The following FAM171B variants were observed in gnomAD, a reference collection of about 807,000 sequenced individuals.
FAM171B encodes the protein protein FAM171B.
A neutral mutation model predicts 75.6 loss-of-function variants in FAM171B; 19 were observed. The observed-to-expected ratio is 0.25, with a 90% confidence interval of 0.18 to 0.37. The LOEUF (loss-of-function observed/expected upper bound fraction) is 0.37. Ranked by LOEUF, FAM171B falls within the 10% of genes least tolerant of loss-of-function variation. The pLI, the probability that FAM171B is intolerant of heterozygous loss-of-function variation, is 1.00. For synonymous variants in FAM171B, 367 were observed against 361.7 expected, an observed-to-expected ratio of 1.01 and a Z score of -0.17; for missense variants, 848 against 982.4, an observed-to-expected ratio of 0.86 and a Z score of 1.83.
chr2:186,741,987 A>G (rs1690295565), intron 2 of FAM171B, among the ~76,000 whole-genome samples: 1 of 152,176 alleles, frequency 6.6e-6, no homozygotes, highest in African/African-American at 2.4e-5. Flanking sequence ...TATGTGGGTT[A>G]AAAATGTTAT....
intron 1 of FAM171B, among the ~76,000 whole-genome samples, chr2:186,712,789 T>G (rs1689827222): frequency 6.6e-6 from 1 of 152,354 alleles, no homozygotes; most frequent in South Asian, 2.1e-4. Flanking sequence ...TTTTTCTCAC[T>G]TTCGTTTATT....
rs1433087703 is a variant in FAM171B, at chr2:186,752,869, T to C, written c.896-1064T>C. ...TCAAATAGCTTTGTTATGCTATTTA[T>C]AAATAAAACTTCATAAAAGGTACAG... On this transcript the variant is annotated intron_variant, in intron 5 of 7. Coordinates refer to ENST00000304698, the MANE Select transcript of FAM171B (RefSeq NM_177454.4). Among the ~76,000 whole-genome samples, 3 of 152,248 alleles carry C rather than the reference T, an allele frequency of 2.0e-5. No homozygotes were observed. In the East Asian group the frequency reaches 5.8e-4, roughly 29 times the overall value.
At chr2:186,707,480 T>A (rs1277055697) in intron 1 of FAM171B, among the ~76,000 whole-genome samples, 1 of 152,190 alleles carries the variant, frequency 6.6e-6, no homozygotes, top group Non-Finnish European at 1.5e-5. Flanking sequence ...AATCCAAATT[T>A]CCTATTGAAG....
intron 6 of FAM171B, among the ~76,000 whole-genome samples, chr2:186,758,970 C>T (rs1690575356): frequency 6.6e-6 from 1 of 151,946 alleles, no homozygotes; most frequent in Non-Finnish European, 1.5e-5. Context: ...CCTTCCCAGC[C>T]TCTGGTAAAC....
chr2:186,702,710 A>T (rs950824994), intron 1 of FAM171B, among the ~76,000 whole-genome samples: 5 of 152,152 alleles, frequency 3.3e-5, no homozygotes, highest in African/African-American at 1.2e-4. Flanking sequence ...ATCACTTTCC[A>T]TCATTATTAA....
At chr2:186,760,238 C>T (rs62173046) in intron 6 of FAM171B, among the ~76,000 whole-genome samples, 159 of 152,156 alleles carry the variant, frequency 1.0e-3, no homozygotes, top group Non-Finnish European at 1.5e-3. Context: ...CATTCGTATA[C>T]GTATGTTCTC....
intron 1 of FAM171B, among the ~76,000 whole-genome samples, chr2:186,718,921 A>G (rs1231455873): frequency 6.6e-6 from 1 of 152,232 alleles, no homozygotes; most frequent in African/African-American, 2.4e-5. Context: ...TAAAACTTCC[A>G]GGCCTTCCTG....
At chr2:186,694,476 C>T (rs1398863442) in intron 1 of FAM171B, 65 bp downstream of exon 1, 11 of 1,528,616 alleles carry the variant, frequency 7.2e-6, no homozygotes, top group African/African-American at 4.1e-5. Flanking sequence ...GCCTCGCCGG[C>T]TTCCTCGCCC....
chr2:186,734,884 A>G (rs1690175589), intron 1 of FAM171B, among the ~76,000 whole-genome samples: 1 of 152,208 alleles, frequency 6.6e-6, no homozygotes, highest in African/African-American at 2.4e-5. Flanking sequence ...CTGGGTTGCA[A>G]AAGTGCCTGT....
intron 5 of FAM171B, among the ~76,000 whole-genome samples, chr2:186,752,487 T>C (rs1471684752): frequency 6.6e-6 from 1 of 152,214 alleles, no homozygotes; most frequent in African/African-American, 2.4e-5. Flanking sequence ...ATTTGGAATC[T>C]AGTCTGTTTA....
chr2:186,753,878 G>T lies in FAM171B; in HGVS notation c.896-55G>T. 2.2e-6 allele frequency: 3 copies of T among 1,339,550 alleles called. No individual in the cohort carries two copies. The South Asian group carries it at 3.5e-5, about 16-fold the overall frequency. The allele number at this position is 1,339,550 out of a possible 1,614,324, so 83.0% of individuals were successfully genotyped here. A position where few individuals can be genotyped will look rare whatever the true frequency, so the allele number is the denominator to read the frequency against. On this transcript the variant is annotated intron_variant, in intron 5 of 7. Transcript: ENST00000304698. ...AAGTCCCATAATGTATTCTGTGCAT[G>T]ACCATCAGTTCTTAAGATATAACTG...
At chr2:186,761,038 C>T in intron 6 of FAM171B, 75 bp from the exon 7 acceptor site, 1 of 1,472,330 alleles carries the variant, frequency 6.8e-7, no homozygotes, top group Non-Finnish European at 9.2e-7. Context: ...TTCAATTTGC[C>T]TCACCCAGGA....
At position 186,694,313 on chromosome 2, in the gene FAM171B, AGC is replaced by A. The variant is rs1689542280; in HGVS notation, c.141_142del (p.Gln48AlafsTer15). ...CTCAGCCTCATCCAACAGCAGCAGC[AGC>A]AGCAGCAACAACAACAACAACAGCA... On this transcript the variant is annotated frameshift_variant, in exon 1 of 8. Transcript: ENST00000304698. LOFTEE classifies it high-confidence loss of function. The A allele has an allele frequency of 2.5e-6, 4 of 1,596,960 alleles. No individual in the cohort carries two copies. The highest frequency in any genetic ancestry group is 8.5e-7 in the Non-Finnish European group (1 of 1,175,224).
intron 6 of FAM171B, among the ~76,000 whole-genome samples, chr2:186,760,787 A>G (rs1198629373): frequency 2.0e-5 from 3 of 151,778 alleles, no homozygotes; most frequent in Non-Finnish European, 2.9e-5. Context: ...ATTCAGTTCA[A>G]CAGATATTCT....
intron 1 of FAM171B, among the ~76,000 whole-genome samples, chr2:186,708,704 G>A (rs1216897754): frequency 6.6e-6 from 1 of 152,118 alleles, no homozygotes; most frequent in African/African-American, 2.4e-5. Flanking sequence ...GCAGACTTAA[G>A]CTCTGACATA....
At chr2:186,728,560 A>T (rs926306398) in intron 1 of FAM171B, among the ~76,000 whole-genome samples, 1 of 152,206 alleles carries the variant, frequency 6.6e-6, no homozygotes, top group African/African-American at 2.4e-5. Flanking sequence ...CATTTTTCCT[A>T]GTTCTCAGGA....
At position 186,763,021 on chromosome 2, in the gene FAM171B, G is replaced by T; in HGVS notation, c.*198G>T. 1.6e-6 allele frequency: 1 copy of T among 609,178 alleles called. No individual in the cohort carries two copies. The highest frequency in any genetic ancestry group is 2.7e-6 in the Non-Finnish European group (1 of 371,052). The allele number at this position is 609,178 out of a possible 1,614,324, so 37.7% of individuals were successfully genotyped here. On this transcript the variant is annotated 3_prime_UTR_variant, in exon 8 of 8. Coordinates refer to ENST00000304698, the MANE Select transcript of FAM171B (RefSeq NM_177454.4). Reference sequence around the variant, plus strand: ...TTTTCTGGCCTATTCATTTATTTTTGGGTGATGAATTTACAGTATCTAAGT... The same window carrying T: ...TTTTCTGGCCTATTCATTTATTTTTTGGTGATGAATTTACAGTATCTAAGT...
At chr2:186,698,796 C>G (rs903398607) in intron 1 of FAM171B, among the ~76,000 whole-genome samples, 1 of 152,184 alleles carries the variant, frequency 6.6e-6, no homozygotes, top group African/African-American at 2.4e-5. Context: ...CAATACCCTT[C>G]CCAGACTCTG....
At chr2:186,701,673 C>T (rs1246964942) in intron 1 of FAM171B, among the ~76,000 whole-genome samples, 1 of 152,132 alleles carries the variant, frequency 6.6e-6, no homozygotes, top group African/African-American at 2.4e-5. Flanking sequence ...TGATTTCTTT[C>T]CAGGATTTTA....
Sources: gnomAD v4.1 joint callset for allele counts (sites outside exome capture counted in the v4.1 genomes callset) on GRCh38, gnomAD v4.1.1 for gene constraint, MANE v1.5 for transcripts, NCBI Gene and HGNC (gene_info 2026-07-23, HGNC 2026-07-21) for gene names.